Variants in MLXIP observed in about 807,000 individuals in gnomAD.
The protein encoded by MLXIP is MLX-interacting protein.
In MLXIP, 30 loss-of-function variants were observed where a neutral mutation model predicts 87.2. The observed-to-expected ratio is 0.34, with a 90% CI of 0.26 to 0.47. The LOEUF (loss-of-function observed/expected upper bound fraction) is 0.47, where lower values mean the gene tolerates loss of function less well. MLXIP is among the 20% of genes least tolerant of loss of function. The pLI, the probability that MLXIP is intolerant of heterozygous loss-of-function variation, is 1.00. For missense variants in MLXIP, 1,002 were observed against 1,240.1 expected (o/e 0.81, Z 2.88); for synonymous variants, 530 against 514.0 (o/e 1.03, Z -0.42).
intron 3 of MLXIP, 82 bp from the exon 4 acceptor site, chr12:122,129,055 G>C: frequency 8.5e-7 from 1 of 1,177,208 alleles, no homozygotes; most frequent in Non-Finnish European, 1.2e-6. Flanking sequence ...CCTGATTATA[G>C]TGCCGGATAC....
chr12:122,141,734 C>T lies in MLXIP; in HGVS notation c.2682C>T (p.Ile894=), dbSNP rs374375673. 1.9e-6 allele frequency: 3 copies of T among 1,613,926 alleles called. No homozygotes were observed. The highest frequency in any genetic ancestry group is 2.5e-6 in the Non-Finnish European group (3 of 1,179,894). Residue 894 remains isoleucine, a synonymous_variant, in exon 17 of 17, where the codon ATC becomes ATT. Transcript: ENST00000319080. ...TLRQLSTSTS[I]LTDPAQLPEQ... is the part of the protein sequence containing the mutation. ...GGCAGCTGAGCACCTCCACCTCCAT[C>T]CTCACAGACCCGGCACAGCTGCCAG...
At chr12:122,121,687 G>A (rs1052224742) in intron 1 of MLXIP, among the ~76,000 whole-genome samples, 2 of 152,130 alleles carry the variant, frequency 1.3e-5, no homozygotes, top group African/African-American at 4.8e-5. Flanking sequence ...CTCTCTGCCT[G>A]CCCCTGTTCT....
At chr12:122,096,589 G>A (rs1048324365) in intron 1 of MLXIP, among the ~76,000 whole-genome samples, 6 of 152,220 alleles carry the variant, frequency 3.9e-5, no homozygotes, top group South Asian at 2.1e-4. Context: ...GTCAGCAGGC[G>A]CGGAGCTGAA....
rs1952896495 is a variant in MLXIP, at chr12:122,127,316, C to T, written c.474C>T (p.Asp158=). ...NFKGLKLQWR[D]KIRLNNAIWR... ...AGGGCCTGAAGCTACAGTGGAGAGA[C>T]AAGATCCGGCTCAATAATGCCATCT... The change falls in exon 2 of 17, where the codon GAC becomes GAT. Residue 158 remains aspartate (D), a synonymous_variant. Transcript: ENST00000319080. The T allele has an allele frequency of 1.2e-6, 2 of 1,613,584 alleles. No homozygotes were observed. The highest frequency in any genetic ancestry group is 1.7e-6 in the Non-Finnish European group (2 of 1,179,822).
intron 1 of MLXIP, among the ~76,000 whole-genome samples, chr12:122,114,526 C>G (rs1456029773): frequency 6.6e-6 from 1 of 152,146 alleles, no homozygotes; most frequent in African/African-American, 2.4e-5. Flanking sequence ...TGGCTAAGAC[C>G]TTTAGTTAGC....
At chr12:122,128,043 TG>T (rs1263909132) in intron 3 of MLXIP, 75 bp downstream of exon 3, 1 of 1,310,060 alleles carries the variant, frequency 7.6e-7, no homozygotes, top group African/African-American at 1.4e-5. Context: ...CACCGCGGGC[TG>T]GTCCTGTAGG....
At chr12:122,138,641 C>G (rs1030007078) in intron 14 of MLXIP, 90 bp downstream of exon 14, 8 of 1,516,766 alleles carry the variant, frequency 5.3e-6, no homozygotes, top group African/African-American at 1.4e-5. Context: ...GGCCTCATCA[C>G]TGGTCAGTGC....
At chr12:122,104,487 G>A (rs1000477967) in intron 1 of MLXIP, among the ~76,000 whole-genome samples, 3 of 151,978 alleles carry the variant, frequency 2.0e-5, no homozygotes, top group African/African-American at 7.3e-5. Context: ...TATAGATATA[G>A]CAGTGCGTTT....
intron 6 of MLXIP, among the ~76,000 whole-genome samples, chr12:122,130,562 G>A (rs1288829900): frequency 6.6e-6 from 1 of 151,772 alleles, no homozygotes; most frequent in Non-Finnish European, 1.5e-5. Context: ...TTGAAAATTA[G>A]AACAGTGTTC....
In MLXIP at chr12:122,131,046, G is replaced by C. The variant is rs550206037; in HGVS notation, c.1000+113G>C. 6 of 711,838 alleles carry C rather than the reference G, an allele frequency of 8.4e-6. No individual in the cohort carries two copies. The East Asian group carries it at 1.0e-4, about 12-fold the overall frequency. The allele number at this position is 711,838 out of a possible 1,614,324, so 44.1% of individuals were successfully genotyped here. On this transcript the variant is annotated intron_variant, in intron 7 of 16. Coordinates refer to ENST00000319080, the MANE Select transcript of MLXIP (RefSeq NM_014938.6). ...GACTTGGTAGAATGGGCAAGGGGGCGAGCAAAGAATTTTTTTTTAAACTGA... is the reference window on the plus strand; with the variant it reads ...GACTTGGTAGAATGGGCAAGGGGGCCAGCAAAGAATTTTTTTTTAAACTGA...
chr12:122,097,856 C>CA lies in MLXIP; in HGVS notation c.413+18591dup, dbSNP rs202169966. ...TTGGAATCCATGGGTTCCCCCTCCC[C>CA]ACAAGAAACCTTGGCAGAAGGCTTT... is the stretch of plus-strand genomic sequence containing the variant. On this transcript the variant is annotated intron_variant, in intron 1 of 16. Transcript: ENST00000319080. Among the ~76,000 whole-genome samples, 177 of 151,898 alleles carry CA rather than the reference C, an allele frequency of 1.2e-3. 1 individual carries two copies. Among genetic ancestry groups the CA allele is most frequent in the African/African-American group, 3.1e-3 (130 of 41,382 alleles).
At chr12:122,106,755 C>G (rs1455113149) in intron 1 of MLXIP, among the ~76,000 whole-genome samples, 2 of 151,964 alleles carry the variant, frequency 1.3e-5, no homozygotes, top group Non-Finnish European at 2.9e-5. Context: ...GCCTGCACCT[C>G]CAAGCCTGGC....
At chr12:122,122,702 G>A (rs771600184) in intron 1 of MLXIP, among the ~76,000 whole-genome samples, 1 of 151,736 alleles carries the variant, frequency 6.6e-6, no homozygotes, top group Non-Finnish European at 1.5e-5. Flanking sequence ...CCACCACGAC[G>A]CCTGGCTAAT....
In MLXIP at chr12:122,142,880, C is replaced by A. The variant is rs1164119725; in HGVS notation, c.*1068C>A. 7 of 155,478 alleles carry A rather than the reference C, an allele frequency of 4.5e-5. No individual in the cohort carries two copies. The highest frequency in any genetic ancestry group is 1.0e-4 in the Non-Finnish European group (7 of 69,920). The allele number at this position is 155,478 out of a possible 1,614,324, so 9.6% of individuals were successfully genotyped here. A position where few individuals can be genotyped will look rare whatever the true frequency, so the allele number is the denominator to read the frequency against. The stretch of plus-strand genomic sequence containing the variant: ...CAGGCAGCACTCTGTGGTGGTCAGC[C>A]CTCAGAGCTGTTTCTAGGCATCTCT... On this transcript the variant is annotated 3_prime_UTR_variant, in exon 17 of 17. Transcript: ENST00000319080.
intron 1 of MLXIP, among the ~76,000 whole-genome samples, chr12:122,119,760 A>G (rs984027890): frequency 2.0e-5 from 3 of 152,218 alleles, no homozygotes; most frequent in African/African-American, 7.2e-5. Context: ...TGCCGCAAAC[A>G]GTGCTGCAGT....
At chr12:122,098,043 C>A (rs925745590) in intron 1 of MLXIP, among the ~76,000 whole-genome samples, 19 of 152,232 alleles carry the variant, frequency 1.2e-4, no homozygotes, top group Non-Finnish European at 2.6e-4. Context: ...ACTGTATTTG[C>A]AGAGGAGCTG....
chr12:122,138,222 A>G lies in MLXIP; in HGVS notation c.2183A>G (p.Glu728Gly), dbSNP rs752828423. ...CGGCAGATGAAGCACATCTCAGCTG[A>G]GCAGAAAAGGCGCTTCAACATCAAG... ...KNRQMKHISA[E>G]QKRRFNIKMC... The change falls in exon 13 of 17, where the codon GAG becomes GGG. Residue 728 changes from glutamate to glycine, a missense_variant. By Grantham distance (98) the Glu-to-Gly change is moderately conservative (BLOSUM62 -2). This residue lies in a region of MLXIP where 746 missense variants were observed against 897.0 expected (regional missense o/e 0.83). Transcript: ENST00000319080. The G allele has an allele frequency of 2.4e-5, 39 of 1,610,034 alleles. No individual in the cohort carries two copies. The highest frequency in any genetic ancestry group is 7.6e-6 in the Non-Finnish European group (9 of 1,178,300).
chr12:122,129,770 A>G (rs1486115561), intron 5 of MLXIP, 141 bp downstream of exon 5: 6 of 1,320,740 alleles, frequency 4.5e-6, no homozygotes, highest in Non-Finnish European at 5.3e-6. Context: ...GAAGCAGTCC[A>G]GCTCTCTCTC....
intron 1 of MLXIP, among the ~76,000 whole-genome samples, chr12:122,123,313 C>T (rs936170357): frequency 3.9e-5 from 6 of 152,202 alleles, no homozygotes; most frequent in African/African-American, 9.7e-5. Flanking sequence ...CGACCCTTTC[C>T]GGCCCGCCGT....
Sources: gnomAD v4.1 joint callset for allele counts (sites outside exome capture counted in the v4.1 genomes callset) on GRCh38, gnomAD v4.1.1 for gene constraint, gnomAD v4.1.1 regional missense constraint, MANE v1.5 for transcripts, NCBI Gene and HGNC (gene_info 2026-07-23, HGNC 2026-07-21) for gene names.